The following AACS variants were observed in gnomAD, a reference collection of about 807,000 sequenced individuals.
AACS encodes the protein acetoacetyl-CoA synthetase.
In AACS, 69 loss-of-function variants were observed where a neutral mutation model predicts 83.1. The observed-to-expected ratio is 0.83, with a 90% confidence interval of 0.68 to 1.01. The LOEUF is 1.01. Ranked by LOEUF, AACS falls within the 50% of genes least tolerant of loss-of-function variation. AACS has a pLI of 0.00. For synonymous variants in AACS, 333 were observed against 343.4 expected (o/e 0.97, Z 0.33); for missense variants, 866 against 882.2 (o/e 0.98, Z 0.23).
At chr12:125,100,143 G>A (rs1208554878) in intron 5 of AACS, among the ~76,000 whole-genome samples, 2 of 152,124 alleles carry the variant, frequency 1.3e-5, no homozygotes, top group Admixed American at 6.5e-5. Context: ...AGCCTCCCAC[G>A]TAGCTGGGAT....
chr12:125,082,544 C>T lies in AACS; in HGVS notation c.359-3786C>T, dbSNP rs149276765. 2.2e-3 allele frequency among the ~76,000 whole-genome samples: 175 copies of T among 80,372 alleles called. 2 individuals carry two copies. Among genetic ancestry groups the T allele is most frequent in the African/African-American group, 8.6e-3 (165 of 19,228 alleles). 52.7% of individuals were successfully genotyped at this position (80,372 alleles called of 152,430 possible). A position where few individuals can be genotyped will look rare whatever the true frequency, so the allele number is the denominator to read the frequency against. ...TCACTTTCTAAAAGAGACAATTCGC[C>T]AGCACGGTGGCTCACACCTGTATAT... is the stretch of plus-strand genomic sequence containing the variant. On this transcript the variant is annotated intron_variant, in intron 3 of 17. Transcript: ENST00000316519.
chr12:125,118,895 A>G, intron 10 of AACS, 130 bp downstream of exon 10: 2 of 1,347,390 alleles, frequency 1.5e-6, no homozygotes, highest in Non-Finnish European at 2.0e-6. Context: ...GCCTTTGTGG[A>G]CGCCCCCTCT....
At chr12:125,120,575 C>T (rs1957136657) in intron 10 of AACS, 2 of 152,128 alleles carry the variant, frequency 1.3e-5, no homozygotes, top group Non-Finnish European at 2.9e-5. Flanking sequence ...AATCTTTACC[C>T]TTTTACCCTT....
At chr12:125,100,137 T>C (rs972141342) in intron 5 of AACS, among the ~76,000 whole-genome samples, 2 of 152,182 alleles carry the variant, frequency 1.3e-5, no homozygotes, top group African/African-American at 4.8e-5. Context: ...CCACTCAGCC[T>C]CCCACGTAGC....
intron 16 of AACS, among the ~76,000 whole-genome samples, chr12:125,135,519 CTG>C (rs1957389205): frequency 6.6e-6 from 1 of 152,184 alleles, no homozygotes; most frequent in Non-Finnish European, 1.5e-5. Flanking sequence ...GATCTCACAA[CTG>C]TACAGTGGAG....
intron 16 of AACS, 116 bp downstream of exon 16, chr12:125,134,968 C>T: frequency 8.2e-7 from 1 of 1,214,910 alleles, no homozygotes. Context: ...TCTGGTGTGA[C>T]AGTGGACATT....
At chr12:125,114,403 C>T (rs550933265) in intron 8 of AACS, 74 bp from the exon 9 acceptor site, 51 of 1,265,796 alleles carry the variant, frequency 4.0e-5, no homozygotes, top group South Asian at 3.0e-4. Context: ...CTGAGCAGCG[C>T]GTGGGCCAGG....
intron 2 of AACS, among the ~76,000 whole-genome samples, chr12:125,074,383 C>A (rs1006652362): frequency 6.6e-6 from 1 of 151,866 alleles, no homozygotes; most frequent in Non-Finnish European, 1.5e-5. Flanking sequence ...AAGACCCTGT[C>A]TTCAAAAAAA....
At position 125,074,090 on chromosome 12, in the gene AACS, A is replaced by G. The variant is rs534976191; in HGVS notation, c.237+111A>G. 742 of 878,086 alleles carry G rather than the reference A, an allele frequency of 8.5e-4. 1 individual carries two copies. Among genetic ancestry groups the G allele is most frequent in the Non-Finnish European group, 1.2e-3 (673 of 555,876 alleles). 54.4% of individuals were successfully genotyped at this position (878,086 alleles called of 1,614,324 possible). On this transcript the variant is annotated intron_variant, in intron 2 of 17. Transcript: ENST00000316519. ...ATCTCCTTTTTACAACCTCATGCAG[A>G]TGGGAAAAAGTCATTGCCCTAGAGA...
chr12:125,082,482 A>AG (rs2136057466), intron 3 of AACS, among the ~76,000 whole-genome samples: 1 of 151,492 alleles, frequency 6.6e-6, no homozygotes, highest in South Asian at 2.1e-4. Flanking sequence ...GGCTGGAAAA[A>AG]GCCAGATTTA....
intron 2 of AACS, 42 bp downstream of exon 2, chr12:125,074,021 C>A: frequency 2.0e-6 from 3 of 1,514,944 alleles, no homozygotes; most frequent in South Asian, 2.3e-5. Context: ...TTTTTGTGGT[C>A]GTGCTTCAAA....
At chr12:125,066,330 T>TG (rs968375635) in intron 1 of AACS, among the ~76,000 whole-genome samples, 1 of 151,618 alleles carries the variant, frequency 6.6e-6, no homozygotes, top group Admixed American at 6.6e-5. Context: ...TCGGTGCGGG[T>TG]GGGGCAAAGG....
At chr12:125,087,611 A>G (rs923464477) in intron 4 of AACS, among the ~76,000 whole-genome samples, 3 of 152,078 alleles carry the variant, frequency 2.0e-5, no homozygotes, top group Non-Finnish European at 4.4e-5. Flanking sequence ...GCCACTGGGG[A>G]GGGGCTTGGG....
At chr12:125,138,359 T>C (rs748351390) in intron 17 of AACS, 1 of 152,238 alleles carries the variant, frequency 6.6e-6, no homozygotes, top group Non-Finnish European at 1.5e-5. Context: ...TGGTGACTCT[T>C]GGCGGCTCTC....
chr12:125,103,267 T>C (rs753575078), intron 7 of AACS, among the ~76,000 whole-genome samples, 186 bp downstream of exon 7: 2 of 152,154 alleles, frequency 1.3e-5, no homozygotes, highest in Non-Finnish European at 1.5e-5. Context: ...CAAGGCCACA[T>C]AGTGAATGAG....
intron 5 of AACS, among the ~76,000 whole-genome samples, chr12:125,096,886 G>C (rs1956620070): frequency 6.6e-6 from 1 of 152,104 alleles, no homozygotes; most frequent in African/African-American, 2.4e-5. Context: ...TCCAGTGCCA[G>C]TGCCCAGGCG....
At chr12:125,082,882 G>A (rs1477368288) in intron 3 of AACS, among the ~76,000 whole-genome samples, 1 of 152,170 alleles carries the variant, frequency 6.6e-6, no homozygotes, top group Admixed American at 6.5e-5. Context: ...ACTGAAAAGC[G>A]ATGATCAATC....
intron 7 of AACS, among the ~76,000 whole-genome samples, chr12:125,104,662 A>C (rs538207059): frequency 1.6e-4 from 25 of 152,170 alleles, no homozygotes; most frequent in Non-Finnish European, 3.7e-4. Context: ...TGCTGCAGGC[A>C]AAGTGGTGGC....
At chr12:125,069,226 A>G (rs1955792367) in intron 1 of AACS, among the ~76,000 whole-genome samples, 1 of 152,188 alleles carries the variant, frequency 6.6e-6, no homozygotes, top group South Asian at 2.1e-4. Flanking sequence ...TGTAGCCTGT[A>G]TACAGTATGG....
Sources: allele counts gnomAD v4.1 joint callset (sites outside exome capture counted in the v4.1 genomes callset), GRCh38; gene constraint gnomAD v4.1.1; transcripts MANE v1.5; gene names NCBI Gene and HGNC (gene_info 2026-07-23, HGNC 2026-07-21).